ANXA11: variants seen among roughly 807,000 people sequenced by gnomAD.
ANXA11 encodes the protein 56 kDa autoantigen.
Under a neutral mutation model 64.7 loss-of-function variants are expected in ANXA11, and 57 were observed. The observed-to-expected ratio is 0.88, with a 90% CI of 0.71 to 1.10. The LOEUF (loss-of-function observed/expected upper bound fraction) is 1.10, where lower values mean the gene tolerates loss of function less well. ANXA11 is among the 50% of genes least tolerant of loss of function. The pLI, the probability that ANXA11 is intolerant of heterozygous loss-of-function variation, is 0.00. For synonymous variants in ANXA11, 260 were observed against 265.2 expected (o/e 0.98, Z 0.19); for missense variants, 675 against 670.7 (o/e 1.01, Z -0.07).
At chr10:80,163,456 C>T in intron 10 of ANXA11, 51 bp from the exon 11 acceptor site, 1 of 1,613,374 alleles carries the variant, frequency 6.2e-7, no homozygotes, top group Non-Finnish European at 8.5e-7. Flanking sequence ...CATTTATTTT[C>T]CCTTTCCTCA....
intron 12 of ANXA11, among the ~76,000 whole-genome samples, chr10:80,161,118 C>T (rs1845485886): frequency 6.6e-6 from 1 of 152,172 alleles, no homozygotes; most frequent in South Asian, 2.1e-4. Flanking sequence ...GGGCCCTCCA[C>T]TGGCTTCCTC....
Position 80,173,791 on chromosome 10 carries a change from C to T in ANXA11, c.-8-922G>A, listed in dbSNP as rs1365194167. On this transcript the variant is annotated intron_variant, in intron 2 of 15. Transcript: ENST00000422982. ...GGGTCCCTCAACAATCACACCTGCT[C>T]GTCTCGAGTATGTGGCTTCTTTTTA... Among the ~76,000 whole-genome samples, 7 of 152,318 alleles carry T rather than the reference C, an allele frequency of 4.6e-5. No individual in the cohort carries two copies. In the East Asian group the frequency reaches 9.6e-4, roughly 21 times the overall value.
chr10:80,197,919 G>A (rs889994131), intron 1 of ANXA11, among the ~76,000 whole-genome samples: 2 of 145,754 alleles, frequency 1.4e-5, no homozygotes, highest in Admixed American at 1.4e-4. Flanking sequence ...GTGAGACTCC[G>A]TCTCAAAAAA....
At chr10:80,164,026 G>GGCAGAGT in intron 9 of ANXA11, 27 bp downstream of exon 9, 3 of 1,592,984 alleles carry the variant, frequency 1.9e-6, no homozygotes, top group Non-Finnish European at 2.6e-6. Context: ...GAGGGCAGAG[G>GGCAGAGT]GCAGAGGGCA....
At chr10:80,175,089 G>A (rs1025033515) in intron 2 of ANXA11, among the ~76,000 whole-genome samples, 9 of 152,182 alleles carry the variant, frequency 5.9e-5, no homozygotes, top group African/African-American at 2.2e-4. Flanking sequence ...TAAGCACGTG[G>A]TGGATGAGGT....
In ANXA11 at chr10:80,169,707, C is replaced by T. The variant is rs140893494; in HGVS notation, c.172-349G>A. ...CCCATATGCAGGGTTGGGGGCATCC[C>T]CATCACATCAGCCTGCTACCCACAG... On this transcript the variant is annotated intron_variant, in intron 4 of 15. Coordinates refer to ENST00000422982, the MANE Select transcript of ANXA11 (RefSeq NM_145868.2). Among the ~76,000 whole-genome samples the T allele has an allele frequency of 1.6e-3, 241 of 152,296 alleles. 1 individual carries two copies. The highest frequency in any genetic ancestry group is 5.4e-3 in the African/African-American group (226 of 41,560).
At chr10:80,161,784 G>A (rs1251461747) in intron 12 of ANXA11, 151 bp downstream of exon 12, 3 of 629,146 alleles carry the variant, frequency 4.8e-6, no homozygotes, top group Non-Finnish European at 5.6e-6. Flanking sequence ...CCCTCTGACA[G>A]TGTCTTTTAA....
At chr10:80,201,748 G>A (rs936596354) in intron 1 of ANXA11, among the ~76,000 whole-genome samples, 8 of 152,106 alleles carry the variant, frequency 5.3e-5, no homozygotes, top group Admixed American at 5.2e-4. Context: ...GCTCACATCT[G>A]TTATCACCAC....
rs1170471393 is a variant in ANXA11 at position 80,153,429 on chromosome 10, G to A, written c.*2424C>T. 1 of 152,258 alleles carries A rather than the reference G, an allele frequency of 6.6e-6. No individual in the cohort carries two copies. Among genetic ancestry groups the A allele is most frequent in the Non-Finnish European group, 1.5e-5 (1 of 68,042 alleles). The allele number at this position is 152,258 out of a possible 1,614,324, so 9.4% of individuals were successfully genotyped here. On this transcript the variant is annotated 3_prime_UTR_variant, in exon 16 of 16. Coordinates refer to ENST00000422982, the MANE Select transcript of ANXA11 (RefSeq NM_145868.2). ...TTTGGAAACCAAAGTAAATGTGTCT[G>A]TAGGTGCAATATTGCCTGCTGGGCA... is the stretch of plus-strand genomic sequence containing the variant.
intron 12 of ANXA11, among the ~76,000 whole-genome samples, chr10:80,161,355 G>A (rs1041349772): frequency 2.6e-5 from 4 of 152,162 alleles, no homozygotes; most frequent in African/African-American, 7.2e-5. Context: ...AGCACCTCCC[G>A]GTGGACCCTA....
chr10:80,161,907 G>A, intron 12 of ANXA11, 28 bp downstream of exon 12: 1 of 1,581,652 alleles, frequency 6.3e-7, no homozygotes. Flanking sequence ...CATCTAACTG[G>A]CCTCTGAGGG....
rs947095343 is a variant in ANXA11 at position 80,155,111 on chromosome 10, T to G, written c.*742A>C. The G allele has an allele frequency of 1.3e-5, 2 of 152,556 alleles. No homozygotes were observed. Among genetic ancestry groups the G allele is most frequent in the Non-Finnish European group, 1.5e-5 (1 of 68,078 alleles). 9.5% of individuals were successfully genotyped at this position (152,556 alleles called of 1,614,324 possible). A position where few individuals can be genotyped will look rare whatever the true frequency, so the allele number is the denominator to read the frequency against. Reference sequence around the variant, plus strand: ...GCAGAATCAAGCAGAAGAAAACAAGTTGGTACCAGGAAGACATTTCCAGAC... The same window carrying G: ...GCAGAATCAAGCAGAAGAAAACAAGGTGGTACCAGGAAGACATTTCCAGAC... On this transcript the variant is annotated 3_prime_UTR_variant, in exon 16 of 16. Coordinates refer to ENST00000422982, the MANE Select transcript of ANXA11 (RefSeq NM_145868.2).
chr10:80,186,132 TC>T (rs1846527330), intron 1 of ANXA11, among the ~76,000 whole-genome samples: 1 of 152,176 alleles, frequency 6.6e-6, no homozygotes, highest in Non-Finnish European at 1.5e-5. Context: ...ACCTCAGTTT[TC>T]CCCATCTGTA....
chr10:80,163,747 C>A (rs944159856), intron 9 of ANXA11, 134 bp from the exon 10 acceptor site: 1 of 797,894 alleles, frequency 1.3e-6, no homozygotes, highest in Non-Finnish European at 2.0e-6. Context: ...GAACAAATAG[C>A]CCATATGGCC....
rs34148644 is a variant in ANXA11 at position 80,163,700 on chromosome 10, G to C, written c.950-87C>G. The C allele has an allele frequency of 0.14, 172,067 of 1,262,982 alleles. 13,032 individuals carry two copies. Among genetic ancestry groups the C allele is most frequent in the Admixed American group, 0.24 (11,792 of 49,602 alleles). 78.2% of individuals were successfully genotyped at this position (1,262,982 alleles called of 1,614,324 possible). ...AAACACTATCAAAAGTGGGTACTGG[G>C]GAGAAAAAGGCTGGAGGTCTTGGCT... On this transcript the variant is annotated intron_variant, in intron 9 of 15. Coordinates refer to ENST00000422982, the MANE Select transcript of ANXA11 (RefSeq NM_145868.2).
At chr10:80,177,808 G>A (rs1293427546) in intron 1 of ANXA11, among the ~76,000 whole-genome samples, 1 of 152,132 alleles carries the variant, frequency 6.6e-6, no homozygotes, top group Non-Finnish European at 1.5e-5. Flanking sequence ...TTACCCCCAG[G>A]AGAAAAGTAA....
At chr10:80,170,462 T>A (rs1845926459) in intron 4 of ANXA11, among the ~76,000 whole-genome samples, 1 of 152,202 alleles carries the variant, frequency 6.6e-6, no homozygotes, top group Non-Finnish European at 1.5e-5. Context: ...CATGCAGGTA[T>A]ATGAATGTGG....
intron 8 of ANXA11, among the ~76,000 whole-genome samples, chr10:80,164,684 G>A (rs1845656271): frequency 6.6e-6 from 1 of 152,214 alleles, no homozygotes; most frequent in Non-Finnish European, 1.5e-5. Context: ...AGCCTGGCTT[G>A]TATGTTGGTT....
Position 80,168,837 on chromosome 10 carries a change from G to A in ANXA11, c.561+132C>T, listed in dbSNP as rs865791887. 87 of 1,080,582 alleles carry A rather than the reference G, an allele frequency of 8.1e-5. No individual in the cohort carries two copies. In the Middle Eastern group the frequency reaches 2.5e-3, roughly 32 times the overall value. 66.9% of individuals were successfully genotyped at this position (1,080,582 alleles called of 1,614,324 possible). The stretch of plus-strand genomic sequence containing the variant: ...CAGGCATGAGTCACTGCACCCGGCC[G>A]ACACTATTTGTTAAAACAAGAAGTG... On this transcript the variant is annotated intron_variant, in intron 5 of 15. Transcript: ENST00000422982.
Sources: allele counts gnomAD v4.1 joint callset (sites outside exome capture counted in the v4.1 genomes callset), GRCh38; gene constraint gnomAD v4.1.1; transcripts MANE v1.5; gene names NCBI Gene and HGNC (gene_info 2026-07-23, HGNC 2026-07-21).